RANBP2: variants seen among roughly 807,000 people sequenced by gnomAD.
The protein encoded by RANBP2 is RAN binding protein 2, also known as E3 SUMO-protein ligase RanBP2.
RANBP2 carries 57 observed loss-of-function variants against 303.6 expected under a neutral mutation model. That is an observed-to-expected ratio of 0.19 (90% CI 0.15 to 0.23). The LOEUF (loss-of-function observed/expected upper bound fraction) is 0.23. Ranked by LOEUF, RANBP2 falls within the 10% of genes least tolerant of loss-of-function variation. RANBP2 has a pLI of 1.00. For synonymous variants in RANBP2, 1,167 were observed against 1,301.5 expected (o/e 0.90, Z 2.23); for missense variants, 3,138 against 3,780.8 (o/e 0.83, Z 4.46).
At chr2:108,810,940 T>C in the RANBP2 span, among the ~76,000 whole-genome samples, 1 of 152,146 alleles carries the variant, frequency 6.6e-6, no homozygotes. Context: ...TTTATCCATT[T>C]CCTCTAGGTT....
chr2:109,419,553 G>A, the RANBP2 span: 1,561 of 1,596,796 alleles, frequency 9.8e-4, 8 homozygotes, highest in African/African-American at 9.2e-3. Context: ...TCTCCTCCTC[G>A]GCGGGATCTA....
At chr2:109,665,663 C>T in the RANBP2 span, 82 of 161,082 alleles carry the variant, frequency 5.1e-4, no homozygotes, top group African/African-American at 1.9e-3. Flanking sequence ...GGTTTAACAG[C>T]CAGTTTAAAA....
At chr2:109,275,064 CA>C in the RANBP2 span, among the ~76,000 whole-genome samples, 1 of 152,140 alleles carries the variant, frequency 6.6e-6, no homozygotes, top group Non-Finnish European at 1.5e-5. Context: ...CCCCTTAGAA[CA>C]TCTCAGAACA....
the RANBP2 span, among the ~76,000 whole-genome samples, chr2:108,914,024 G>A: frequency 6.6e-6 from 1 of 151,968 alleles, no homozygotes; most frequent in South Asian, 2.1e-4. Context: ...ACTTTGGGAG[G>A]CCAAGGTGGG....
chr2:108,782,719 C>T lies in RANBP2; in HGVS notation c.9226C>T (p.Pro3076Ser). The change falls in exon 28 of 29, where the codon CCT (proline) becomes TCT (serine). Residue 3076 changes from proline to serine, a missense_variant. Physicochemically the swap from Pro to Ser is moderately conservative, Grantham distance 74. Coordinates refer to ENST00000283195, the MANE Select transcript of RANBP2 (RefSeq NM_006267.5). ...VFFDVCADGE[P>S]LGRITMELFS... is the part of the protein sequence containing the mutation. ...TTTTGATGTTTGTGCGGACGGTGAA[C>T]CTCTAGGGCGGATAACTATGGAATT... 6.2e-7 allele frequency: 1 copy of T among 1,614,128 alleles called. No homozygotes were observed. Among genetic ancestry groups the T allele is most frequent in the Non-Finnish European group, 8.5e-7 (1 of 1,180,028 alleles).
chr2:108,833,315 A>G, the RANBP2 span, among the ~76,000 whole-genome samples: 1 of 152,232 alleles, frequency 6.6e-6, no homozygotes, highest in Non-Finnish European at 1.5e-5. Flanking sequence ...GATGTTAATA[A>G]TGGAAGGTAC....
At chr2:108,737,604 A>G (rs911212492) in intron 6 of RANBP2, among the ~76,000 whole-genome samples, 1 of 144,018 alleles carries the variant, frequency 6.9e-6, no homozygotes, top group Non-Finnish European at 1.5e-5. Context: ...GCTGGCATGC[A>G]GTGGTGCAGT....
chr2:109,303,598 G>A, the RANBP2 span, among the ~76,000 whole-genome samples: 6 of 152,226 alleles, frequency 3.9e-5, no homozygotes, highest in East Asian at 3.9e-4. Flanking sequence ...GGAGAGGGCC[G>A]CCACACGGGC....
At chr2:109,640,736 C>A in the RANBP2 span, among the ~76,000 whole-genome samples, 16 of 152,268 alleles carry the variant, frequency 1.1e-4, no homozygotes, top group African/African-American at 3.6e-4. Flanking sequence ...TTCCTGGGCT[C>A]TGTCTTCCTT....
At chr2:109,320,998 A>G in the RANBP2 span, among the ~76,000 whole-genome samples, 2 of 152,254 alleles carry the variant, frequency 1.3e-5, no homozygotes, top group Non-Finnish European at 2.9e-5. Flanking sequence ...AGGCATCTAC[A>G]TACCTACATA....
the RANBP2 span, among the ~76,000 whole-genome samples, chr2:109,537,041 A>G: frequency 1.3e-5 from 2 of 152,186 alleles, no homozygotes; most frequent in Non-Finnish European, 2.9e-5. Context: ...CAGCGTGAAA[A>G]CAGACTAATA....
the RANBP2 span, among the ~76,000 whole-genome samples, chr2:109,055,666 G>A: frequency 6.6e-6 from 1 of 151,646 alleles, no homozygotes; most frequent in African/African-American, 2.4e-5. Flanking sequence ...TTAAAGGCGT[G>A]AGCCACCACG....
the RANBP2 span, among the ~76,000 whole-genome samples, chr2:108,851,367 T>C: frequency 6.6e-6 from 1 of 152,150 alleles, no homozygotes; most frequent in Non-Finnish European, 1.5e-5. Flanking sequence ...AATGGCGTGA[T>C]CTTGGCTTGC....
chr2:108,719,853 G>C (rs1328819512), intron 1 of RANBP2, among the ~76,000 whole-genome samples, 175 bp downstream of exon 1: 1 of 152,196 alleles, frequency 6.6e-6, no homozygotes, highest in Non-Finnish European at 1.5e-5. Flanking sequence ...AAGAGTCCTG[G>C]GGGGACAGCG....
the RANBP2 span, among the ~76,000 whole-genome samples, chr2:108,921,625 G>A: frequency 8.5e-3 from 1,296 of 152,324 alleles, 20 homozygotes; most frequent in African/African-American, 0.03. Flanking sequence ...ACTCCATGGG[G>A]CTTTCTAGCT....
chr2:108,914,759 A>G, the RANBP2 span, among the ~76,000 whole-genome samples: 3 of 152,362 alleles, frequency 2.0e-5, no homozygotes, highest in African/African-American at 7.2e-5. Flanking sequence ...CTTGGTCTAC[A>G]GAAAAGCAGC....
chr2:109,355,813 A>G, the RANBP2 span, among the ~76,000 whole-genome samples: 1 of 152,124 alleles, frequency 6.6e-6, no homozygotes, highest in Non-Finnish European at 1.5e-5. Flanking sequence ...TGTTTTGAGG[A>G]GGGGTATTTC....
At chr2:109,148,461 T>C in the RANBP2 span, among the ~76,000 whole-genome samples, 1 of 152,202 alleles carries the variant, frequency 6.6e-6, no homozygotes, top group Admixed American at 6.5e-5. Context: ...TAGCTCAAAC[T>C]GTGTACAAAT....
At chr2:108,867,000 G>A in the RANBP2 span, among the ~76,000 whole-genome samples, 1 of 151,942 alleles carries the variant, frequency 6.6e-6, no homozygotes, top group Non-Finnish European at 1.5e-5. Context: ...AGATTATATT[G>A]TTATATTGTT....
Sources: allele counts gnomAD v4.1 joint callset (sites outside exome capture counted in the v4.1 genomes callset), GRCh38; gene constraint gnomAD v4.1.1; transcripts MANE v1.5; gene names NCBI Gene and HGNC (gene_info 2026-07-23, HGNC 2026-07-21).